The following DYNC1I1 variants were observed in gnomAD, a reference collection of about 807,000 sequenced individuals.
The protein encoded by DYNC1I1 is dynein cytoplasmic 1 intermediate chain 1, also known as cytoplasmic dynein 1 intermediate chain 1.
In DYNC1I1, 43 loss-of-function variants were observed where a neutral mutation model predicts 86.6. The ratio of observed to expected loss-of-function variants is 0.50; its 90% CI spans 0.39 to 0.64. The LOEUF (loss-of-function observed/expected upper bound fraction) is 0.64. Ranked by LOEUF, DYNC1I1 falls within the 30% of genes least tolerant of loss-of-function variation. The pLI, the probability that DYNC1I1 is intolerant of heterozygous loss-of-function variation, is 0.00. For missense variants in DYNC1I1, 604 were observed against 788.8 expected (o/e 0.77, Z 2.81); for synonymous variants, 262 against 283.7 (o/e 0.92, Z 0.77).
chr7:95,870,936 G>A (rs1283783086), intron 6 of DYNC1I1, among the ~76,000 whole-genome samples: 2 of 152,138 alleles, frequency 1.3e-5, no homozygotes, highest in African/African-American at 4.8e-5. Context: ...ATTCTTCGGT[G>A]GGTGAAGAGG....
chr7:96,059,261 C>T (rs1789687441), intron 14 of DYNC1I1, among the ~76,000 whole-genome samples: 4 of 151,656 alleles, frequency 2.6e-5, no homozygotes, highest in African/African-American at 9.7e-5. Context: ...CACTTAGGAA[C>T]ACTAGACAGC....
intron 7 of DYNC1I1, among the ~76,000 whole-genome samples, chr7:95,983,749 T>C (rs1793514192): frequency 1.3e-5 from 2 of 152,174 alleles, no homozygotes; most frequent in Admixed American, 6.5e-5. Flanking sequence ...GTGGAAGTGC[T>C]TGGAAAACCC....
At position 96,051,714 on chromosome 7, in the gene DYNC1I1, A is replaced by T. The variant is rs1255095421; in HGVS notation, c.1509+12293A>T. 4.6e-5 allele frequency among the ~76,000 whole-genome samples: 7 copies of T among 152,354 alleles called. No individual in the cohort carries two copies. The East Asian group carries it at 1.3e-3, about 29-fold the overall frequency. ...TTTTCAAGCAACTACTGTGAAATCA[A>T]TAAATATTACCTATTTCACTTTTAC... On this transcript the variant is annotated intron_variant, in intron 14 of 16. Transcript: ENST00000447467.
chr7:95,835,888 CTG>C (rs1389793028), intron 5 of DYNC1I1, among the ~76,000 whole-genome samples: 4 of 152,162 alleles, frequency 2.6e-5, no homozygotes, highest in African/African-American at 4.8e-5. Flanking sequence ...GATGGGCTTC[CTG>C]AATACAGCAC....
At chr7:95,836,587 C>T (rs1173652635) in intron 5 of DYNC1I1, among the ~76,000 whole-genome samples, 6 of 151,034 alleles carry the variant, frequency 4.0e-5, no homozygotes, top group South Asian at 2.1e-4. Context: ...CCATTCTCCC[C>T]GTCACCTTCA....
At chr7:95,842,770 T>G (rs2116022899) in intron 5 of DYNC1I1, among the ~76,000 whole-genome samples, 1 of 152,352 alleles carries the variant, frequency 6.6e-6, no homozygotes. Context: ...TGTCGATTCA[T>G]GTATAGCTGT....
chr7:95,794,349 C>T (rs1433133318), intron 1 of DYNC1I1, among the ~76,000 whole-genome samples: 2 of 152,120 alleles, frequency 1.3e-5, no homozygotes, highest in South Asian at 4.1e-4. Context: ...CCTAAGGACT[C>T]TTGATATCAT....
intron 11 of DYNC1I1, among the ~76,000 whole-genome samples, chr7:96,029,893 A>G (rs1209332838): frequency 6.6e-6 from 1 of 151,656 alleles, no homozygotes; most frequent in Non-Finnish European, 1.5e-5. Flanking sequence ...CCTGGGCAAC[A>G]GAGGGAGACT....
chr7:95,909,628 G>A (rs892352605), intron 6 of DYNC1I1, among the ~76,000 whole-genome samples: 6 of 152,006 alleles, frequency 3.9e-5, no homozygotes, highest in Admixed American at 1.3e-4. Flanking sequence ...TAAATAAATC[G>A]CATCACCCCC....
intron 14 of DYNC1I1, among the ~76,000 whole-genome samples, chr7:96,056,760 A>G (rs181009006): frequency 1.3e-5 from 2 of 152,054 alleles, no homozygotes; most frequent in Admixed American, 6.6e-5. Context: ...TATAGTGTGT[A>G]TATATATATG....
At chr7:95,830,269 T>C (rs1384781332) in intron 5 of DYNC1I1, among the ~76,000 whole-genome samples, 1 of 152,126 alleles carries the variant, frequency 6.6e-6, no homozygotes, top group African/African-American at 2.4e-5. Flanking sequence ...ATTTTTGACA[T>C]GTATGCACAT....
intron 6 of DYNC1I1, among the ~76,000 whole-genome samples, chr7:95,970,717 C>G (rs1287397053): frequency 6.6e-6 from 1 of 152,150 alleles, no homozygotes; most frequent in Non-Finnish European, 1.5e-5. Context: ...TATTACCAGT[C>G]TCTGTACTTA....
intron 1 of DYNC1I1, among the ~76,000 whole-genome samples, chr7:95,792,377 A>T (rs572287418): frequency 9.4e-4 from 143 of 152,296 alleles, no homozygotes; most frequent in African/African-American, 3.3e-3. Context: ...GGTCTCTCTG[A>T]CCGTCCCCTC....
intron 1 of DYNC1I1, among the ~76,000 whole-genome samples, chr7:95,781,593 G>A (rs182506989): frequency 2.4e-4 from 36 of 152,216 alleles, no homozygotes; most frequent in Admixed American, 1.9e-3. Flanking sequence ...CATTTTTGAC[G>A]ATGGGTCAGG....
intron 4 of DYNC1I1, 79 bp from the exon 5 acceptor site, chr7:95,827,978 T>G: frequency 6.9e-7 from 1 of 1,455,312 alleles, no homozygotes; most frequent in South Asian, 1.1e-5. Context: ...CCTTGATGAA[T>G]GACATAGTTT....
chr7:96,074,823 C>A (rs898791707), intron 14 of DYNC1I1, among the ~76,000 whole-genome samples: 2 of 152,166 alleles, frequency 1.3e-5, no homozygotes, highest in African/African-American at 4.8e-5. Context: ...ACATTCTGTG[C>A]AGATAGGATT....
intron 6 of DYNC1I1, among the ~76,000 whole-genome samples, chr7:95,954,328 T>C (rs922674501): frequency 6.6e-5 from 10 of 151,432 alleles, no homozygotes; most frequent in African/African-American, 2.4e-4. Flanking sequence ...TCAAATAAAA[T>C]TTCAAACCCA....
intron 5 of DYNC1I1, among the ~76,000 whole-genome samples, chr7:95,858,898 T>A (rs1393332937): frequency 3.4e-5 from 5 of 147,350 alleles, no homozygotes; most frequent in Non-Finnish European, 7.5e-5. Flanking sequence ...ATTGTTTTTA[T>A]ATTTATTATT....
At chr7:95,949,023 A>T (rs1290357718) in intron 6 of DYNC1I1, among the ~76,000 whole-genome samples, 1 of 152,168 alleles carries the variant, frequency 6.6e-6, no homozygotes, top group Non-Finnish European at 1.5e-5. Flanking sequence ...CAGGTCCCAG[A>T]TCTTACTCTG....
Sources: allele counts gnomAD v4.1 joint callset (sites outside exome capture counted in the v4.1 genomes callset), GRCh38; gene constraint gnomAD v4.1.1; transcripts MANE v1.5; gene names NCBI Gene and HGNC (gene_info 2026-07-23, HGNC 2026-07-21).